Variants in MYOM3 observed in about 807,000 individuals in gnomAD.
MYOM3 encodes the protein myomesin 3.
MYOM3 carries 155 observed loss-of-function variants against 191.7 expected under a neutral mutation model. That is an observed-to-expected ratio of 0.81 (90% CI 0.71 to 0.92). The LOEUF is 0.92. Ranked by LOEUF, MYOM3 falls within the 40% of genes least tolerant of loss-of-function variation. The pLI, the probability that MYOM3 is intolerant of heterozygous loss-of-function variation, is 0.00. For missense variants in MYOM3, 1,889 were observed against 1,890.6 expected (o/e 1.00, Z 0.02); for synonymous variants, 757 against 762.9 (o/e 0.99, Z 0.13).
chr1:24,102,884 C>G (rs1227603391), intron 5 of MYOM3, among the ~76,000 whole-genome samples: 1 of 152,128 alleles, frequency 6.6e-6, no homozygotes, highest in East Asian at 1.9e-4. Context: ...AATAGACTTG[C>G]CTAACAGGTG....
At position 24,084,563 on chromosome 1, in the gene MYOM3, C is replaced by A; in HGVS notation, c.1875G>T (p.Val625=). The stretch of plus-strand genomic sequence containing the variant: ...AATAACCCAGGAGCTCTGGGTCTTT[C>A]ACAGGATCCCATGTCAGGGAGACAG... ...QTSVSLTWDP[V]KDPELLGYYI... is the part of the protein sequence containing the mutation. The change falls in exon 16 of 37, where the codon GTG becomes GTT. Residue 625 remains valine, a synonymous_variant. Transcript: ENST00000374434. The A allele has an allele frequency of 6.2e-7, 1 of 1,614,090 alleles. No individual in the cohort carries two copies. The highest frequency in any genetic ancestry group is 8.5e-7 in the Non-Finnish European group (1 of 1,179,990).
intron 3 of MYOM3, among the ~76,000 whole-genome samples, chr1:24,107,574 G>A (rs1643995336): frequency 1.3e-5 from 2 of 152,148 alleles, no homozygotes; most frequent in South Asian, 2.1e-4. Flanking sequence ...CACCACCCAA[G>A]CCTCCTAGCC....
intron 19 of MYOM3, among the ~76,000 whole-genome samples, chr1:24,080,630 G>A (rs1643655869): frequency 6.6e-6 from 1 of 152,162 alleles, no homozygotes; most frequent in South Asian, 2.1e-4. Context: ...TCTGTAAAAT[G>A]GGGATAATAA....
In MYOM3 at chr1:24,067,784, G is replaced by A. The variant is rs139434071; in HGVS notation, c.3355+186C>T. 3.5e-3 allele frequency among the ~76,000 whole-genome samples: 528 copies of A among 152,240 alleles called. 1 individual carries two copies. The highest frequency in any genetic ancestry group is 0.01 in the Middle Eastern group (3 of 294). On this transcript the variant is annotated intron_variant, in intron 27 of 36. Coordinates refer to ENST00000374434, the MANE Select transcript of MYOM3 (RefSeq NM_152372.4). Reference sequence around the variant, plus strand: ...GCTTCAGGGTGCAAAATTTAAGAGGGCTCAGCTCTCACCCTCAGGTCAGGC... The same window carrying A: ...GCTTCAGGGTGCAAAATTTAAGAGGACTCAGCTCTCACCCTCAGGTCAGGC...
intron 25 of MYOM3, 135 bp downstream of exon 25, chr1:24,070,982 T>C: frequency 2.7e-6 from 3 of 1,115,636 alleles, no homozygotes; most frequent in Non-Finnish European, 3.9e-6. Context: ...TCCTCATCAC[T>C]GCAACAGCAA....
Position 24,112,027 on chromosome 1 carries a change from TCA to T in MYOM3, c.-19+2_-19+3del, listed in dbSNP as rs1224256801. The T allele has an allele frequency of 4.6e-5, 7 of 152,176 alleles. No individual in the cohort carries two copies. The highest frequency in any genetic ancestry group is 1.5e-5 in the Non-Finnish European group (1 of 68,060). 9.4% of individuals were successfully genotyped at this position (152,176 alleles called of 1,614,324 possible). A position where few individuals can be genotyped will look rare whatever the true frequency, so the allele number is the denominator to read the frequency against. On this transcript the variant is annotated splice_donor_variant and splice_donor_region_variant and intron_variant, in intron 1 of 36. Coordinates refer to ENST00000374434, the MANE Select transcript of MYOM3 (RefSeq NM_152372.4). LOFTEE classifies it low-confidence loss of function (5UTR_SPLICE). ...CCCCACCCTGATTTCTGGGGGTGACTCACAGAAGCAGTGTGCCCACTTAGGAG... is the reference window on the plus strand; with the variant it reads ...CCCCACCCTGATTTCTGGGGGTGACTCAGAAGCAGTGTGCCCACTTAGGAG...
At position 24,056,117 on chromosome 1, in the gene MYOM3, T is replaced by G. The variant is rs1643298043; in HGVS notation, c.*1247A>C. ...TCCAAAATTTTACAACAAACATCTA[T>G]AATTTTATGAACACTCCCCATCTTA... On this transcript the variant is annotated 3_prime_UTR_variant, in exon 37 of 37. Coordinates refer to ENST00000374434, the MANE Select transcript of MYOM3 (RefSeq NM_152372.4). 6.6e-6 allele frequency: 1 copy of G among 152,216 alleles called. No homozygotes were observed. Among genetic ancestry groups the G allele is most frequent in the Non-Finnish European group, 1.5e-5 (1 of 68,034 alleles). The allele number at this position is 152,216 out of a possible 1,614,324, so 9.4% of individuals were successfully genotyped here.
At chr1:24,081,952 C>A in intron 18 of MYOM3, 49 bp downstream of exon 18, 1 of 1,536,028 alleles carries the variant, frequency 6.5e-7, no homozygotes, top group East Asian at 2.3e-5. Flanking sequence ...GCCCTCTGGT[C>A]GCTGCTAAAC....
intron 4 of MYOM3, among the ~76,000 whole-genome samples, chr1:24,106,659 T>C (rs1643985661): frequency 6.6e-6 from 1 of 152,200 alleles, no homozygotes; most frequent in Non-Finnish European, 1.5e-5. Flanking sequence ...CTTGGATCAC[T>C]GAAACCTCTG....
rs1047515912 is a variant in MYOM3, at chr1:24,057,164, A to G, written c.*200T>C. On this transcript the variant is annotated 3_prime_UTR_variant, in exon 37 of 37. Transcript: ENST00000374434. Reference sequence around the variant, plus strand: ...TCCAGGGTTCATCCCGCTCTCCTGGAAGCCACTCAGGACCCCAGAAAGATC... The same window carrying G: ...TCCAGGGTTCATCCCGCTCTCCTGGGAGCCACTCAGGACCCCAGAAAGATC... 1 of 602,500 alleles carries G rather than the reference A, an allele frequency of 1.7e-6. No individual in the cohort carries two copies. The highest frequency in any genetic ancestry group is 3.1e-5 in the Admixed American group (1 of 32,720). 37.3% of individuals were successfully genotyped at this position (602,500 alleles called of 1,614,324 possible).
intron 29 of MYOM3, among the ~76,000 whole-genome samples, chr1:24,065,432 T>C (rs1365737668): frequency 6.6e-6 from 1 of 152,202 alleles, no homozygotes; most frequent in African/African-American, 2.4e-5. Flanking sequence ...CCTGCTTTAT[T>C]CTGCCCAGAT....
In MYOM3 at chr1:24,076,217, T is replaced by C; in HGVS notation, c.2643A>G (p.Ser881=). 1 of 1,614,178 alleles carries C rather than the reference T, an allele frequency of 6.2e-7. No individual in the cohort carries two copies. Among genetic ancestry groups the C allele is most frequent in the Non-Finnish European group, 8.5e-7 (1 of 1,180,014 alleles). The change falls in exon 21 of 37, where the codon TCA becomes TCG. Residue 881 remains serine, a synonymous_variant. Transcript: ENST00000374434. The part of the protein sequence containing the change: ...SYVFQVQAMN[S]AGLGQPSMPT... The stretch of plus-strand genomic sequence containing the variant: ...GCATGGACGGTTGCCCCAGACCAGC[T>C]GAATTCATGGCCTGTACCTGGAACA...
chr1:24,062,451 C>G (rs552338210), intron 32 of MYOM3, among the ~76,000 whole-genome samples: 6 of 152,328 alleles, frequency 3.9e-5, no homozygotes, highest in South Asian at 2.1e-4. Flanking sequence ...GTTCTTGGCT[C>G]TCACTCATTT....
chr1:24,056,931 C>G lies in MYOM3; in HGVS notation c.*433G>C, dbSNP rs1313755112. 1 of 161,978 alleles carries G rather than the reference C, an allele frequency of 6.2e-6. No individual in the cohort carries two copies. The highest frequency in any genetic ancestry group is 2.4e-5 in the African/African-American group (1 of 41,690). The allele number at this position is 161,978 out of a possible 1,614,324, so 10.0% of individuals were successfully genotyped here. A position where few individuals can be genotyped will look rare whatever the true frequency, so the allele number is the denominator to read the frequency against. ...TGCTAGACTTCAGGTGTCTGTTGAA[C>G]TTACATGAATTGAAACTATGGGATC... On this transcript the variant is annotated 3_prime_UTR_variant, in exon 37 of 37. Coordinates refer to ENST00000374434, the MANE Select transcript of MYOM3 (RefSeq NM_152372.4).
rs1053184830 is a variant in MYOM3, at chr1:24,067,027, C to T, written c.3417G>A (p.Thr1139=). 121 of 1,570,784 alleles carry T rather than the reference C, an allele frequency of 7.7e-5. No individual in the cohort carries two copies. The highest frequency in any genetic ancestry group is 1.1e-4 in the Admixed American group (6 of 54,872). The change falls in exon 28 of 37, where the codon ACG becomes ACA. Residue 1139 remains threonine, a synonymous_variant. Transcript: ENST00000374434. ...AGGGCAGGGCAGGACTTGCCTTGCA[C>T]GTCAGCTGCACTTGGCAGTCCTCCG... is the stretch of plus-strand genomic sequence containing the variant. ...KVTEDCQVQL[T]CKVTNTKKET...
Position 24,082,701 on chromosome 1 carries a change from C to G in MYOM3, c.1984G>C (p.Gly662Arg), listed in dbSNP as rs4320729. ...PIQGTRFTVP[G>R]LRTGKEYEFC... ...TCGTACTCCTTCCCCGTCCTCAGCCCGGGAACTGTAAACCTGGGAGAGAAA... is the reference window on the plus strand; with the variant it reads ...TCGTACTCCTTCCCCGTCCTCAGCCGGGGAACTGTAAACCTGGGAGAGAAA... The change falls in exon 17 of 37, where the codon GGG (glycine) becomes CGG (arginine). Residue 662 changes from glycine (G) to arginine (R), a missense_variant. Gly to Arg is a moderately radical substitution (Grantham distance 125). Coordinates refer to ENST00000374434, the MANE Select transcript of MYOM3 (RefSeq NM_152372.4). 2 of 1,607,190 alleles carry G rather than the reference C, an allele frequency of 1.2e-6. No homozygotes were observed. Among genetic ancestry groups the G allele is most frequent in the Non-Finnish European group, 1.7e-6 (2 of 1,177,402 alleles).
chr1:24,096,151 G>T (rs1015498441), intron 7 of MYOM3, among the ~76,000 whole-genome samples: 1 of 152,146 alleles, frequency 6.6e-6, no homozygotes, highest in Non-Finnish European at 1.5e-5. Flanking sequence ...ACATGACACT[G>T]GTCCCTGGAA....
At chr1:24,082,785 A>C in intron 16 of MYOM3, 71 bp from the exon 17 acceptor site, 2 of 1,484,960 alleles carry the variant, frequency 1.3e-6, no homozygotes, top group African/African-American at 1.4e-5. Context: ...TGCTAGAACA[A>C]CTTTGTGGAA....
intron 17 of MYOM3, 120 bp from the exon 18 acceptor site, chr1:24,082,308 T>TC: frequency 9.8e-7 from 1 of 1,022,908 alleles, no homozygotes; most frequent in Non-Finnish European, 1.4e-6. Flanking sequence ...CAGGGGTTTT[T>TC]CCCTGAGCCA....
Sources: gnomAD v4.1 joint callset for allele counts (sites outside exome capture counted in the v4.1 genomes callset) on GRCh38, gnomAD v4.1.1 for gene constraint, MANE v1.5 for transcripts, NCBI Gene and HGNC (gene_info 2026-07-23, HGNC 2026-07-21) for gene names.